The following FRAS1 variants were observed in gnomAD, a reference collection of about 807,000 sequenced individuals.
FRAS1 encodes extracellular matrix organizing protein FRAS1.
In FRAS1, 290 loss-of-function variants were observed where a neutral mutation model predicts 435.2. The ratio of observed to expected loss-of-function variants is 0.67; its 90% CI spans 0.61 to 0.73. The LOEUF is 0.73. Ranked by LOEUF, FRAS1 falls within the 30% of genes least tolerant of loss-of-function variation. The pLI, the probability that FRAS1 is intolerant of heterozygous loss-of-function variation, is 0.00. For missense variants in FRAS1, 4,860 were observed against 5,001.5 expected (o/e 0.97, Z 0.85); for synonymous variants, 1,800 against 1,851.0 (o/e 0.97, Z 0.71).
intron 2 of FRAS1, among the ~76,000 whole-genome samples, chr4:78,151,092 C>T (rs1720638758): frequency 6.6e-6 from 1 of 152,152 alleles, no homozygotes; most frequent in Non-Finnish European, 1.5e-5. Context: ...TTTTCACCAC[C>T]ACTAATGAGA....
intron 20 of FRAS1, among the ~76,000 whole-genome samples, chr4:78,358,840 C>T (rs1427588481): frequency 2.0e-5 from 3 of 151,982 alleles, no homozygotes; most frequent in East Asian, 3.9e-4. Flanking sequence ...AATATGATGT[C>T]GCTGCTAAAA....
intron 2 of FRAS1, among the ~76,000 whole-genome samples, chr4:78,229,385 CA>C (rs1724420142): frequency 6.7e-6 from 1 of 149,860 alleles, no homozygotes; most frequent in Non-Finnish European, 1.5e-5. Context: ...AGCTTTGAGA[CA>C]TGAGGTAGTG....
intron 1 of FRAS1, among the ~76,000 whole-genome samples, chr4:78,058,802 A>T (rs1164059120): frequency 6.6e-6 from 1 of 152,242 alleles, no homozygotes; most frequent in African/African-American, 2.4e-5. Context: ...CCGTGAGACT[A>T]GTTGTCGCCA....
At chr4:78,267,131 A>C in intron 8 of FRAS1, 110 bp from the exon 9 acceptor site, 1 of 1,160,510 alleles carries the variant, frequency 8.6e-7, no homozygotes, top group Non-Finnish European at 1.2e-6. Flanking sequence ...GGGTCGGGCC[A>C]GAGAAAGAGC....
At chr4:78,186,562 C>T (rs1722279672) in intron 2 of FRAS1, among the ~76,000 whole-genome samples, 1 of 152,066 alleles carries the variant, frequency 6.6e-6, no homozygotes, top group Non-Finnish European at 1.5e-5. Flanking sequence ...AGTTTTAAGA[C>T]AAACTTACTG....
intron 20 of FRAS1, among the ~76,000 whole-genome samples, chr4:78,346,301 A>G (rs1028065925): frequency 6.6e-6 from 1 of 152,240 alleles, no homozygotes; most frequent in African/African-American, 2.4e-5. Context: ...CCAGTTCATC[A>G]CATATATTAT....
At chr4:78,201,721 G>A (rs1468672802) in intron 2 of FRAS1, among the ~76,000 whole-genome samples, 1 of 152,136 alleles carries the variant, frequency 6.6e-6, no homozygotes, top group Non-Finnish European at 1.5e-5. Context: ...TTAACTGACT[G>A]CAAAGCCAGG....
At chr4:78,156,255 G>A (rs1030184731) in intron 2 of FRAS1, among the ~76,000 whole-genome samples, 1 of 152,054 alleles carries the variant, frequency 6.6e-6, no homozygotes, top group African/African-American at 2.4e-5. Context: ...CTTAGCACAT[G>A]TAGAACATTT....
intron 47 of FRAS1, among the ~76,000 whole-genome samples, chr4:78,452,758 G>A (rs888594006): frequency 6.6e-6 from 1 of 152,214 alleles, no homozygotes; most frequent in African/African-American, 2.4e-5. Context: ...TTCTGGTTTA[G>A]CTGCTGCTCA....
chr4:78,397,670 A>G (rs1183263036), intron 29 of FRAS1, among the ~76,000 whole-genome samples: 2 of 152,218 alleles, frequency 1.3e-5, no homozygotes, highest in African/African-American at 4.8e-5. Flanking sequence ...AGATCCACAC[A>G]ATGGTTACTG....
chr4:78,427,273 A>G (rs1734035034), intron 35 of FRAS1, among the ~76,000 whole-genome samples: 1 of 152,118 alleles, frequency 6.6e-6, no homozygotes, highest in Admixed American at 6.6e-5. Flanking sequence ...ACACTGCCTC[A>G]TGACTCTTCA....
At chr4:78,160,703 A>C (rs866424831) in intron 2 of FRAS1, among the ~76,000 whole-genome samples, 3 of 152,224 alleles carry the variant, frequency 2.0e-5, no homozygotes, top group Non-Finnish European at 4.4e-5. Flanking sequence ...TATGTATTAT[A>C]ATTTTAAAAA....
Position 78,539,297 on chromosome 4 carries a change from C to T in FRAS1, c.11302C>T (p.Arg3768Cys), listed in dbSNP as rs750736066. Residue 3768 changes from arginine (R) to cysteine (C), a missense_variant, in exon 73 of 74, where the codon CGC (arginine) becomes TGC (cysteine). Arg to Cys is a radical substitution (Grantham distance 180, BLOSUM62 -3). Transcript: ENST00000512123. The part of the protein sequence containing the change: ...HLKHRFLLLD[R>C]NQPEVTDKYF... ...TTTCTTTTTTCTGAAATCCTAGGAC[C>T]GCAATCAGCCAGAGGTAACTGATAA... 5.9e-5 allele frequency: 94 copies of T among 1,601,754 alleles called. No individual in the cohort carries two copies. Among genetic ancestry groups the T allele is most frequent in the African/African-American group, 2.7e-5 (2 of 73,922 alleles).
chr4:78,065,081 T>TATATATATATATATATATACACACACAC lies in FRAS1; in HGVS notation c.77-901_77-900insTATATATATATATATACACACACACATA, dbSNP rs762909923. ...GTGTATATATATATATATATATATA[T>TATATATATATATATATATACACACACAC]ATACATACACACACACACACTAAAT... On this transcript the variant is annotated intron_variant, in intron 1 of 73. Coordinates refer to ENST00000512123, the MANE Select transcript of FRAS1 (RefSeq NM_025074.7). Among the ~76,000 whole-genome samples, 230 of 125,608 alleles carry TATATATATATATATATATACACACACAC rather than the reference T, an allele frequency of 1.8e-3. 1 individual carries two copies. The highest frequency in any genetic ancestry group is 4.4e-3 in the Middle Eastern group (1 of 226). 82.4% of individuals were successfully genotyped at this position (125,608 alleles called of 152,430 possible).
At position 78,400,742 on chromosome 4, in the gene FRAS1, G is replaced by T. The variant is rs1192000617; in HGVS notation, c.3984G>T (p.Arg1328Ser). The part of the protein sequence containing the change: ...FQVKTVPQND[R>S]GLQLVANSMV... Reference sequence around the variant, plus strand: ...TTTTATTTTTATTTCAGAATGACAGGGGTCTTCAGCTTGTGGCTAATTCGA... The same window carrying T: ...TTTTATTTTTATTTCAGAATGACAGTGGTCTTCAGCTTGTGGCTAATTCGA... Residue 1328 changes from arginine to serine, a missense_variant, in exon 30 of 74, where the codon AGG (arginine) becomes AGT (serine). Transcript: ENST00000512123. 1.2e-6 allele frequency: 2 copies of T among 1,611,850 alleles called. No homozygotes were observed. The highest frequency in any genetic ancestry group is 1.7e-5 in the Admixed American group (1 of 59,602).
chr4:78,371,686 C>T (rs1560687097), intron 23 of FRAS1, among the ~76,000 whole-genome samples: 1 of 152,166 alleles, frequency 6.6e-6, no homozygotes, highest in East Asian at 1.9e-4. Context: ...TACCTTTCTT[C>T]AAAACCCATG....
chr4:78,068,825 AG>A (rs544918122), intron 2 of FRAS1: 23 of 347,188 alleles, frequency 6.6e-5, no homozygotes, highest in South Asian at 5.0e-4. Flanking sequence ...TTCCATTTTA[AG>A]GACAATGAAA....
In FRAS1 at chr4:78,540,539, A is replaced by G; in HGVS notation, c.11454A>G (p.Ala3818=). 1.3e-6 allele frequency: 2 copies of G among 1,490,886 alleles called. No homozygotes were observed. The highest frequency in any genetic ancestry group is 3.0e-5 in the South Asian group (2 of 67,180). 92.4% of individuals were successfully genotyped at this position (1,490,886 alleles called of 1,614,324 possible). A position where few individuals can be genotyped will look rare whatever the true frequency, so the allele number is the denominator to read the frequency against. ...LKVDALYKVE[A]GHQWYLQVIY... is the part of the protein sequence containing the mutation. Reference sequence around the variant, plus strand: ...GGTTTGTCCCCCTGCAGGTGGAAGCAGGACACCAGTGGTATCTCCAGGTCA... The same window carrying G: ...GGTTTGTCCCCCTGCAGGTGGAAGCGGGACACCAGTGGTATCTCCAGGTCA... Residue 3818 remains alanine (A), a synonymous_variant, in exon 74 of 74, where the codon GCA becomes GCG. Transcript: ENST00000512123.
At chr4:78,375,951 C>T in intron 26 of FRAS1, 72 bp downstream of exon 26, 1 of 1,531,722 alleles carries the variant, frequency 6.5e-7, no homozygotes. Flanking sequence ...AGTTTGCAGA[C>T]ATAATTGACT....
Sources: allele counts gnomAD v4.1 joint callset (sites outside exome capture counted in the v4.1 genomes callset), GRCh38; gene constraint gnomAD v4.1.1; transcripts MANE v1.5; gene names NCBI Gene and HGNC (gene_info 2026-07-23, HGNC 2026-07-21).